ALPK3: variants seen among roughly 807,000 people sequenced by gnomAD.
ALPK3 encodes the protein alpha-protein kinase 3.
Under a neutral mutation model 140.0 loss-of-function variants are expected in ALPK3, and 102 were observed. The ratio of observed to expected loss-of-function variants is 0.73; its 90% confidence interval spans 0.62 to 0.86. The LOEUF is 0.86. Ranked by LOEUF, ALPK3 falls within the 40% of genes least tolerant of loss-of-function variation. ALPK3 has a pLI of 0.00. For missense variants in ALPK3, 2,254 were observed against 2,208.2 expected, an observed-to-expected ratio of 1.02 and a Z score of -0.42; for synonymous variants, 938 against 898.5, an observed-to-expected ratio of 1.04 and a Z score of -0.79.
rs1470514832 is a variant in ALPK3 at position 84,869,307 on chromosome 15, C to T, written c.*851C>T. On this transcript the variant is annotated 3_prime_UTR_variant, in exon 14 of 14. Coordinates refer to ENST00000258888, the MANE Select transcript of ALPK3 (RefSeq NM_020778.5). ...ACTTCAGTGCTCTCTTCCCCAACTT[C>T]TCTCGGGCTCTTTGCTCATGAGGTG... 7 of 152,372 alleles carry T rather than the reference C, an allele frequency of 4.6e-5. No individual in the cohort carries two copies. Among genetic ancestry groups the T allele is most frequent in the Admixed American group, 3.9e-4 (6 of 15,280 alleles). The allele number at this position is 152,372 out of a possible 1,614,324, so 9.4% of individuals were successfully genotyped here.
chr15:84,840,751 A>G lies in ALPK3; in HGVS notation c.1472A>G (p.Glu491Gly). 6.2e-7 allele frequency: 1 copy of G among 1,614,120 alleles called. No individual in the cohort carries two copies. The highest frequency in any genetic ancestry group is 1.3e-5 in the African/African-American group (1 of 75,030). Residue 491 changes from glutamate (E) to glycine (G), a missense_variant, in exon 5 of 14, where the codon GAG (glutamate) becomes GGG (glycine). By Grantham distance (98) the Glu-to-Gly change is moderately conservative (BLOSUM62 -2). Transcript: ENST00000258888. Reference protein sequence around the residue: ...KRFAPPKPKGEATTDSKPISS... With the variant: ...KRFAPPKPKGGATTDSKPISS... ...TTTGCCCCTCCAAAGCCCAAAGGAG[A>G]GGCCACCACTGACAGCAAGCCCATT...
Position 84,864,479 on chromosome 15 carries a change from A to T in ALPK3, c.4537A>T (p.Asn1513Tyr), listed in dbSNP as rs2141574002. ...PLYLIYRPAN[N>Y]IPYATLEEDL... ...GTATCTGATCTACCGGCCTGCAAAC[A>T]ATATCCCATATGCTACCCTGGAGGA... Residue 1513 changes from asparagine to tyrosine, a missense_variant, in exon 12 of 14, where the codon AAT becomes TAT. Asn to Tyr is a moderately radical substitution (Grantham distance 143). Around this residue, in one of 3 missense-constraint regions of ALPK3, gnomAD observed 2,088 missense variants for 2,022.9 expected, o/e 1.03. Transcript: ENST00000258888. 4 of 1,614,146 alleles carry T rather than the reference A, an allele frequency of 2.5e-6. No individual in the cohort carries two copies. The African/African-American group carries it at 4.0e-5, about 16-fold the overall frequency.
chr15:84,827,499 C>T lies in ALPK3; in HGVS notation c.198C>T (p.Ser66=), dbSNP rs752443888. The T allele has an allele frequency of 1.9e-6, 3 of 1,614,186 alleles. No individual in the cohort carries two copies. The highest frequency in any genetic ancestry group is 2.5e-6 in the Non-Finnish European group (3 of 1,180,044). ...CCTCTCTTAGGAGCACCTTCTGCTC[C>T]ATCATTGCTCAGCTCACAGAGGAGA... ...HPSSGRSTFC[S]IIAQLTEETQ... The change falls in exon 3 of 14, where the codon TCC becomes TCT. Residue 66 remains serine, a synonymous_variant. Coordinates refer to ENST00000258888, the MANE Select transcript of ALPK3 (RefSeq NM_020778.5).
At chr15:84,867,971 G>A in intron 13 of ALPK3, 140 bp from the exon 14 acceptor site, 4 of 857,948 alleles carry the variant, frequency 4.7e-6, no homozygotes, top group South Asian at 1.7e-5. Context: ...GTAGCACCAA[G>A]GGAGAGTCCC....
At chr15:84,827,671 G>A (rs555571930) in intron 3 of ALPK3, 66 bp downstream of exon 3, 7 of 1,594,126 alleles carry the variant, frequency 4.4e-6, no homozygotes, top group Middle Eastern at 3.9e-4. Context: ...AGGAGGCTGT[G>A]AGGACAGGAA....
In ALPK3 at chr15:84,827,476, T is replaced by A. The variant is rs766165945; in HGVS notation, c.183-8T>A. On this transcript the variant is annotated splice_polypyrimidine_tract_variant and splice_region_variant and intron_variant, in intron 2 of 13. Transcript: ENST00000258888. ...GGCCAGCTCTGAATAGCTCTTTGCC[T>A]CTCTTAGGAGCACCTTCTGCTCCAT... 3 of 1,614,024 alleles carry A rather than the reference T, an allele frequency of 1.9e-6. No homozygotes were observed. The highest frequency in any genetic ancestry group is 2.5e-6 in the Non-Finnish European group (3 of 1,180,014).
At chr15:84,848,744 G>C (rs1438417080) in intron 5 of ALPK3, among the ~76,000 whole-genome samples, 1 of 152,130 alleles carries the variant, frequency 6.6e-6, no homozygotes, top group Admixed American at 6.6e-5. Context: ...AGTGATATAG[G>C]TCAGTTACAA....
Position 84,817,518 on chromosome 15 carries a change from C to T in ALPK3, c.66C>T (p.Asp22=). 1.4e-6 allele frequency: 2 copies of T among 1,479,664 alleles called. No homozygotes were observed. Among genetic ancestry groups the T allele is most frequent in the East Asian group, 3.0e-5 (1 of 33,594 alleles). The allele number at this position is 1,479,664 out of a possible 1,614,324, so 91.7% of individuals were successfully genotyped here. Residue 22 remains aspartate (D), a synonymous_variant, in exon 1 of 14, where the codon GAC becomes GAT. Transcript: ENST00000258888. ...GAGGRSGAGG[D]GEDDGPVWIP... ...GTGGGCGGTCGGGGGCGGGGGGCGA[C>T]GGTGAGGACGACGGCCCCGTGTGGA...
intron 5 of ALPK3, among the ~76,000 whole-genome samples, chr15:84,855,369 G>A (rs186417457): frequency 3.7e-4 from 57 of 152,278 alleles, no homozygotes; most frequent in African/African-American, 1.3e-3. Flanking sequence ...CCCAGTGTCT[G>A]CATCTGTTGG....
intron 9 of ALPK3, among the ~76,000 whole-genome samples, chr15:84,860,889 G>A (rs1002816191): frequency 3.3e-5 from 5 of 152,132 alleles, no homozygotes; most frequent in African/African-American, 1.2e-4. Flanking sequence ...TGCCCAGCTC[G>A]TTTTTGTATT....
rs145058237 is a variant in ALPK3, at chr15:84,868,146, T to C, written c.4808T>C (p.Leu1603Pro). 73 of 1,613,682 alleles carry C rather than the reference T, an allele frequency of 4.5e-5. No individual in the cohort carries two copies. In the African/African-American group the frequency reaches 8.0e-4, roughly 18 times the overall value. ...QGLKESCFPA[L>P]LDRFASSHQC... ...CTCAAGGAAAGCTGCTTCCCTGCCCTGCTGGACCGGTTCGCCTCCTCCCAC... is the reference window on the plus strand; with the variant it reads ...CTCAAGGAAAGCTGCTTCCCTGCCCCGCTGGACCGGTTCGCCTCCTCCCAC... The change falls in exon 14 of 14, where the codon CTG becomes CCG. Residue 1603 changes from leucine to proline, a missense_variant. This residue lies in a region of ALPK3 where 158 missense variants were observed against 159.8 expected (regional missense o/e 0.99). Coordinates refer to ENST00000258888, the MANE Select transcript of ALPK3 (RefSeq NM_020778.5).
chr15:84,861,150 T>C (rs186149497), intron 9 of ALPK3, among the ~76,000 whole-genome samples: 2 of 152,366 alleles, frequency 1.3e-5, no homozygotes, highest in East Asian at 1.9e-4. Flanking sequence ...GAACCACTCA[T>C]TGCTTTTGGC....
chr15:84,823,224 C>T, intron 1 of ALPK3, 106 bp from the exon 2 acceptor site: 1 of 1,317,294 alleles, frequency 7.6e-7, no homozygotes, highest in East Asian at 2.3e-5. Context: ...AATAGAAAGG[C>T]TTCTGGGCCC....
intron 4 of ALPK3, among the ~76,000 whole-genome samples, chr15:84,839,350 A>G (rs1039345822): frequency 1.3e-5 from 2 of 152,204 alleles, no homozygotes; most frequent in African/African-American, 4.8e-5. Flanking sequence ...GTCCTGACCT[A>G]CAGAAATATT....
chr15:84,846,919 C>A (rs1038909470), intron 5 of ALPK3, among the ~76,000 whole-genome samples: 3 of 151,974 alleles, frequency 2.0e-5, no homozygotes, highest in African/African-American at 4.8e-5. Context: ...CAGACGTGTG[C>A]CGCTACACTT....
intron 5 of ALPK3, among the ~76,000 whole-genome samples, chr15:84,853,608 C>A (rs139303169): frequency 0.023 from 3,462 of 151,930 alleles, 49 homozygotes; most frequent in Non-Finnish European, 0.035. Context: ...AGCGAGACTC[C>A]GTCTCAAAAG....
At chr15:84,838,556 T>A (rs1963619672) in intron 3 of ALPK3, among the ~76,000 whole-genome samples, 1 of 151,772 alleles carries the variant, frequency 6.6e-6, no homozygotes, top group Non-Finnish European at 1.5e-5. Context: ...CTGTCCAGTC[T>A]CTTCAGGTGG....
chr15:84,859,129 G>T, intron 6 of ALPK3, 114 bp from the exon 7 acceptor site: 2 of 1,429,190 alleles, frequency 1.4e-6, no homozygotes, highest in Non-Finnish European at 9.5e-7. Flanking sequence ...GTAGGTCTGT[G>T]TGGAGACTTG....
intron 10 of ALPK3, 35 bp from the exon 11 acceptor site, chr15:84,863,517 T>C: frequency 6.3e-7 from 1 of 1,591,430 alleles, no homozygotes; most frequent in African/African-American, 1.3e-5. Flanking sequence ...CTGAGGAATT[T>C]CTTTGCTCAC....
Sources: gnomAD v4.1 joint callset for allele counts (sites outside exome capture counted in the v4.1 genomes callset) on GRCh38, gnomAD v4.1.1 for gene constraint, gnomAD v4.1.1 regional missense constraint, MANE v1.5 for transcripts, NCBI Gene and HGNC (gene_info 2026-07-23, HGNC 2026-07-21) for gene names.